CCDC180: variants seen among roughly 807,000 people sequenced by gnomAD.
CCDC180 encodes the protein coiled-coil domain-containing protein 180.
In CCDC180, 154 loss-of-function variants were observed where a neutral mutation model predicts 209.2. That is an observed-to-expected ratio of 0.74 (90% confidence interval 0.65 to 0.84). CCDC180 has a LOEUF of 0.84. CCDC180 is among the 40% of genes least tolerant of loss of function. CCDC180 has a pLI of 0.00. For synonymous variants in CCDC180, 778 were observed against 749.1 expected, an observed-to-expected ratio of 1.04 and a Z score of -0.63; for missense variants, 1,874 against 1,997.3, an observed-to-expected ratio of 0.94 and a Z score of 1.18.
intron 20 of CCDC180, chr9:97,347,716 T>G: frequency 1.9e-6 from 1 of 518,376 alleles, no homozygotes. Context: ...TCCATTTTTT[T>G]TTCAAGAGGG....
intron 5 of CCDC180, 45 bp from the exon 6 acceptor site, chr9:97,314,348 C>T: frequency 1.2e-6 from 2 of 1,611,684 alleles, no homozygotes; most frequent in Non-Finnish European, 1.7e-6. Context: ...CCCTCCTTCC[C>T]AGGGGTGCTG....
At chr9:97,363,758 G>T in intron 28 of CCDC180, 1 of 526,378 alleles carries the variant, frequency 1.9e-6, no homozygotes. Flanking sequence ...TCCTCATCAC[G>T]GGGAAGCAGG....
intron 2 of CCDC180, 22 bp downstream of exon 2, chr9:97,308,154 G>A: frequency 1.3e-6 from 2 of 1,545,816 alleles, no homozygotes; most frequent in Non-Finnish European, 8.7e-7. Flanking sequence ...CCTCTGTCCC[G>A]CTTTTCTCCA....
At chr9:97,347,708 C>T (rs908227234) in intron 20 of CCDC180, 4 of 514,226 alleles carry the variant, frequency 7.8e-6, no homozygotes, top group African/African-American at 7.7e-5. Flanking sequence ...TTCTCATTTC[C>T]ATTTTTTTTT....
chr9:97,346,783 C>T (rs1465914504), intron 19 of CCDC180, among the ~76,000 whole-genome samples: 2 of 152,116 alleles, frequency 1.3e-5, no homozygotes, highest in East Asian at 3.9e-4. Context: ...CACCATGTTG[C>T]CCAGGCTGGT....
At chr9:97,348,828 G>A (rs1329812243) in intron 20 of CCDC180, among the ~76,000 whole-genome samples, 1 of 152,110 alleles carries the variant, frequency 6.6e-6, no homozygotes, top group African/African-American at 2.4e-5. Flanking sequence ...TGCCCATCCT[G>A]CCTGCTACTC....
In CCDC180 at chr9:97,366,535, G is replaced by A. The variant is rs781473968; in HGVS notation, c.4048-24G>A. The stretch of plus-strand genomic sequence containing the variant: ...CCAGAGTCCCATGGAGTCCTCACCC[G>A]CACATGGTCACCCTCTCTGGCAGGA... On this transcript the variant is annotated intron_variant, in intron 30 of 36. Coordinates refer to ENST00000529487, the MANE Select transcript of CCDC180 (RefSeq NM_020893.6). This position sits in a 1 kb window ranked among gnomAD's most constrained non-coding sequence, Gnocchi z 4.3. 2.2e-5 allele frequency: 36 copies of A among 1,611,388 alleles called. No individual in the cohort carries two copies. In the East Asian group the frequency reaches 2.5e-4, roughly 11 times the overall value.
Position 97,376,866 on chromosome 9 carries a change from T to C in CCDC180, c.4946T>C (p.Leu1649Pro), listed in dbSNP as rs750916585. The change falls in exon 37 of 37, where the codon CTG becomes CCG. Residue 1649 changes from leucine (L) to proline (P), a missense_variant. Coordinates refer to ENST00000529487, the MANE Select transcript of CCDC180 (RefSeq NM_020893.6). ...QRWKDSWKQS[L>P]HTIQGLYV is the part of the protein sequence containing the mutation. ...TGGAAGGACAGCTGGAAGCAGTCCC[T>C]GCACACTATCCAAGGCCTGTATGTG... The C allele has an allele frequency of 4.3e-6, 7 of 1,612,804 alleles. No individual in the cohort carries two copies. Among genetic ancestry groups the C allele is most frequent in the Non-Finnish European group, 5.9e-6 (7 of 1,179,918 alleles).
intron 19 of CCDC180, 72 bp downstream of exon 19, chr9:97,343,635 A>G: frequency 8.6e-7 from 1 of 1,169,308 alleles, no homozygotes; most frequent in Non-Finnish European, 1.2e-6. Context: ...ATTAAAAAAA[A>G]AAAAAGGATT....
chr9:97,345,616 T>G, intron 19 of CCDC180: 1 of 409,764 alleles, frequency 2.4e-6, no homozygotes, highest in Non-Finnish European at 4.7e-6. Flanking sequence ...CCGGGCATGG[T>G]GGTGTGTGCC....
At chr9:97,307,893 G>A in intron 1 of CCDC180, 87 bp downstream of exon 1, 1 of 1,597,348 alleles carries the variant, frequency 6.3e-7, no homozygotes, top group Non-Finnish European at 8.6e-7. Flanking sequence ...CTTCCCCGGG[G>A]AGTCCTGCCC....
intron 31 of CCDC180, chr9:97,369,197 A>T (rs1178231045): frequency 6.6e-6 from 1 of 152,202 alleles, no homozygotes; most frequent in Non-Finnish European, 1.5e-5. Flanking sequence ...ATATAAAGAG[A>T]TGAAAATATG....
chr9:97,352,992 C>T (rs917608366), intron 22 of CCDC180, among the ~76,000 whole-genome samples: 3 of 150,552 alleles, frequency 2.0e-5, no homozygotes, highest in Non-Finnish European at 3.0e-5. Flanking sequence ...TATATATACA[C>T]ATATATACGT....
At chr9:97,309,360 T>C in intron 2 of CCDC180, 54 bp from the exon 3 acceptor site, 2 of 1,537,824 alleles carry the variant, frequency 1.3e-6, no homozygotes, top group East Asian at 4.7e-5. Context: ...CTGAGAGTGC[T>C]AGGAAGTCAG....
Position 97,330,199 on chromosome 9 carries a change from A to C in CCDC180, c.1828+6A>C. The C allele has an allele frequency of 6.2e-7, 1 of 1,613,908 alleles. No individual in the cohort carries two copies. Among genetic ancestry groups the C allele is most frequent in the East Asian group, 2.2e-5 (1 of 44,858 alleles). On this transcript the variant is annotated splice_donor_region_variant and intron_variant, in intron 17 of 36. Coordinates refer to ENST00000529487, the MANE Select transcript of CCDC180 (RefSeq NM_020893.6). ...TTTCAAATTCAGGCAACCAGGTAAC[A>C]CTTTTTCAATTCAAGTTTTATTCTC...
At chr9:97,348,969 G>A in intron 20 of CCDC180, 142 bp from the exon 21 acceptor site, 3 of 738,796 alleles carry the variant, frequency 4.1e-6, no homozygotes, top group Non-Finnish European at 2.1e-6. Flanking sequence ...AGGCAACAGG[G>A]GCAGGACAAG....
upstream of CCDC180, chr9:97,307,379 C>T (rs1327837483): frequency 1.9e-6 from 1 of 515,862 alleles, no homozygotes; most frequent in East Asian, 5.2e-5. Context: ...GAGGTGCTTT[C>T]TGCAGGCGGG....
chr9:97,322,732 ATGT>A, intron 11 of CCDC180, 98 bp from the exon 12 acceptor site: 1 of 957,788 alleles, frequency 1.0e-6, no homozygotes, highest in Non-Finnish European at 1.7e-6. Flanking sequence ...ACCTAAATAA[ATGT>A]TGCTGTGGAG....
At chr9:97,362,027 C>A in intron 27 of CCDC180, 129 bp downstream of exon 27, 2 of 1,378,002 alleles carry the variant, frequency 1.5e-6, no homozygotes, top group Non-Finnish European at 2.0e-6. Context: ...CCTGTGACCT[C>A]AGGCAAAGGG....
Sources: allele counts gnomAD v4.1 joint callset (sites outside exome capture counted in the v4.1 genomes callset), GRCh38; gene constraint gnomAD v4.1.1; non-coding constraint Gnocchi (gnomAD v3.1); transcripts MANE v1.5; gene names NCBI Gene and HGNC (gene_info 2026-07-23, HGNC 2026-07-21).